CALN1: variants seen among roughly 807,000 people sequenced by gnomAD.
The protein encoded by CALN1 is calcium-binding protein 8.
A neutral mutation model predicts 30.6 loss-of-function variants in CALN1; 17 were observed. The observed-to-expected ratio is 0.56, with a 90% CI of 0.38 to 0.83. CALN1 has a LOEUF of 0.83. Among genes scored for constraint, CALN1 ranks in the 40% least tolerant of loss-of-function variants. CALN1 has a pLI of 0.00. For synonymous variants in CALN1, 156 were observed against 131.4 expected (o/e 1.19, Z -1.28); for missense variants, 291 against 354.9 (o/e 0.82, Z 1.45).
At chr7:72,240,506 A>G (rs1412697894) in intron 3 of CALN1, among the ~76,000 whole-genome samples, 1 of 152,146 alleles carries the variant, frequency 6.6e-6, no homozygotes, top group Non-Finnish European at 1.5e-5. Flanking sequence ...AGATTTGCTG[A>G]ATAGCTTCCA....
intron 2 of CALN1, among the ~76,000 whole-genome samples, chr7:72,356,015 T>A (rs1803200666): frequency 6.6e-6 from 1 of 152,218 alleles, no homozygotes; most frequent in Admixed American, 6.5e-5. Flanking sequence ...GATAAATGTT[T>A]GAGGTGACTG....
chr7:72,492,881 C>T, the CALN1 span, among the ~76,000 whole-genome samples: 2 of 152,180 alleles, frequency 1.3e-5, no homozygotes, highest in Non-Finnish European at 2.9e-5. Context: ...CTCAGAAAAT[C>T]GTCATCTCCA....
rs1804946093 is a variant in CALN1, at chr7:72,382,219, A to G, written c.119+21032T>C. Among the ~76,000 whole-genome samples the G allele has an allele frequency of 2.0e-5, 3 of 152,188 alleles. No individual in the cohort carries two copies. The South Asian group carries it at 6.2e-4, about 31-fold the overall frequency. ...CCAGCTGTGACCCAGTAATGGCTAT[A>G]TCCAGGGAGATTAGCAATAGGAATT... is the stretch of plus-strand genomic sequence containing the variant. On this transcript the variant is annotated intron_variant, in intron 2 of 6. Coordinates refer to ENST00000395275, the MANE Select transcript of CALN1 (RefSeq NM_031468.4).
At chr7:72,204,386 GA>G (rs200655519) in intron 3 of CALN1, among the ~76,000 whole-genome samples, 1,775 of 151,202 alleles carry the variant, frequency 0.012, 31 homozygotes, top group African/African-American at 0.039. Flanking sequence ...ATTTCCATGT[GA>G]AAAAAAATCT....
intron 5 of CALN1, among the ~76,000 whole-genome samples, chr7:72,022,540 G>T (rs1800761801): frequency 6.6e-6 from 1 of 152,154 alleles, no homozygotes; most frequent in African/African-American, 2.4e-5. Context: ...CTACAGGCAT[G>T]CGCCATCACA....
intron 5 of CALN1, among the ~76,000 whole-genome samples, chr7:71,959,752 G>A (rs913173703): frequency 6.6e-6 from 1 of 152,054 alleles, no homozygotes; most frequent in East Asian, 1.9e-4. Context: ...GGTGCTCATA[G>A]GACTAGAATC....
rs528222557 is a variant in CALN1 at position 71,866,418 on chromosome 7, T to C, written c.502-55926A>G. 3.3e-4 allele frequency among the ~76,000 whole-genome samples: 50 copies of C among 152,236 alleles called. No homozygotes were observed. The East Asian group carries it at 6.2e-3, about 19-fold the overall frequency. ...TATTATGCAATATACATATTATATA[T>C]GTAATAGATCTTATAGACATTTCCC... On this transcript the variant is annotated intron_variant, in intron 5 of 6. Transcript: ENST00000395275.
At chr7:71,888,070 T>C (rs1173757481) in intron 5 of CALN1, among the ~76,000 whole-genome samples, 8 of 152,166 alleles carry the variant, frequency 5.3e-5, no homozygotes, top group Admixed American at 4.6e-4. Context: ...GCGAGGATCA[T>C]AGGGAAGTCT....
At chr7:72,352,669 A>G (rs534460258) in intron 2 of CALN1, among the ~76,000 whole-genome samples, 53 of 152,294 alleles carry the variant, frequency 3.5e-4, no homozygotes, top group African/African-American at 1.2e-3. Flanking sequence ...ATTATAGCTT[A>G]AAATGTTTAC....
chr7:72,133,432 T>G (rs2129542970), intron 3 of CALN1, among the ~76,000 whole-genome samples: 1 of 152,298 alleles, frequency 6.6e-6, no homozygotes, highest in Admixed American at 6.5e-5. Flanking sequence ...GACAAGGCTC[T>G]TACTTACAGA....
intron 2 of CALN1, among the ~76,000 whole-genome samples, chr7:72,302,545 C>T (rs906422018): frequency 1.4e-4 from 22 of 152,008 alleles, no homozygotes; most frequent in East Asian, 5.8e-4. Context: ...CCAGTACTTT[C>T]GGAGGTGCAG....
chr7:71,929,710 G>A (rs1039308535), intron 5 of CALN1, among the ~76,000 whole-genome samples: 1 of 152,176 alleles, frequency 6.6e-6, no homozygotes, highest in African/African-American at 2.4e-5. Context: ...GAATATTCTT[G>A]TATATGGTTT....
At chr7:72,161,697 G>C (rs1218764053) in intron 3 of CALN1, among the ~76,000 whole-genome samples, 3 of 152,170 alleles carry the variant, frequency 2.0e-5, no homozygotes, top group South Asian at 2.1e-4. Context: ...GTTCTCACTT[G>C]TAAGTGGGAG....
intron 5 of CALN1, among the ~76,000 whole-genome samples, chr7:71,871,899 T>C (rs780081858): frequency 1.3e-5 from 2 of 152,170 alleles, no homozygotes; most frequent in Admixed American, 6.5e-5. Context: ...TATTTCATCT[T>C]CCACCATGGT....
chr7:72,233,409 T>A (rs891651831), intron 3 of CALN1, among the ~76,000 whole-genome samples: 1 of 151,906 alleles, frequency 6.6e-6, no homozygotes, highest in Non-Finnish European at 1.5e-5. Flanking sequence ...CACAAAGAGA[T>A]GTTTCCTTTC....
chr7:72,097,540 G>A (rs1205077601), intron 4 of CALN1, among the ~76,000 whole-genome samples: 2 of 151,824 alleles, frequency 1.3e-5, no homozygotes, highest in Admixed American at 6.6e-5. Context: ...GGGTGTGGTG[G>A]CTCAAGCCTG....
intron 1 of CALN1, among the ~76,000 whole-genome samples, chr7:72,411,349 A>T (rs1027922298): frequency 4.6e-5 from 7 of 152,234 alleles, no homozygotes; most frequent in African/African-American, 1.7e-4. Flanking sequence ...AAAGAACCAC[A>T]AAGAAATCAT....
the CALN1 span, among the ~76,000 whole-genome samples, chr7:72,483,280 CTTTTTTTTTTTTTTT>C: frequency 1.0e-5 from 1 of 100,116 alleles, no homozygotes; most frequent in Non-Finnish European, 2.1e-5. Flanking sequence ...TTTTCTTTTT[CTTTTTTTTTTTTTTT>C]TTTTTTTGAG....
intron 5 of CALN1, among the ~76,000 whole-genome samples, chr7:71,962,794 C>CT (rs1409204887): frequency 6.6e-6 from 1 of 152,226 alleles, no homozygotes; most frequent in East Asian, 1.9e-4. Flanking sequence ...TTTTTTCCTT[C>CT]TAGTGCCTGA....
Sources: allele counts gnomAD v4.1 joint callset (sites outside exome capture counted in the v4.1 genomes callset), GRCh38; gene constraint gnomAD v4.1.1; transcripts MANE v1.5; gene names NCBI Gene and HGNC (gene_info 2026-07-23, HGNC 2026-07-21).